Variants in GYPE observed in about 807,000 individuals in gnomAD.
The protein encoded by GYPE is glycophorin-E.
Under a neutral mutation model 11.6 loss-of-function variants are expected in GYPE, and 8 were observed. The observed-to-expected ratio is 0.69, with a 90% CI of 0.41 to 1.25. GYPE has a LOEUF of 1.25. GYPE is among the 50% of genes most tolerant of loss of function. The pLI is 0.01. For missense variants in GYPE, 90 were observed against 92.8 expected, an observed-to-expected ratio of 0.97 and a Z score of 0.12; for synonymous variants, 28 against 29.6, an observed-to-expected ratio of 0.94 and a Z score of 0.18.
chr4:143,883,791 A>G (rs1161927232), intron 1 of GYPE, among the ~76,000 whole-genome samples: 4 of 151,772 alleles, frequency 2.6e-5, no homozygotes, highest in African/African-American at 2.4e-5. Flanking sequence ...AATATTTTCA[A>G]CATTTCAATA....
At chr4:143,877,962 T>A (rs1219592925) in intron 2 of GYPE, among the ~76,000 whole-genome samples, 1 of 147,776 alleles carries the variant, frequency 6.8e-6, no homozygotes, top group Non-Finnish European at 1.5e-5. Flanking sequence ...TGATTTTAAA[T>A]GCCTTGCTTT....
At position 143,872,523 on chromosome 4, in the gene GYPE, T is replaced by A. The variant is rs36085430; in HGVS notation, c.*10-271A>T. Among the ~76,000 whole-genome samples, 39,573 of 151,412 alleles carry A rather than the reference T, an allele frequency of 0.26. 5,421 individuals are homozygous for A. Among genetic ancestry groups the A allele is most frequent in the East Asian group, 0.36 (1,846 of 5,124 alleles). ...CTGAGTGCTATGAAAAAAATACAGG[T>A]AGAAAATGAAAGAGAAATTAATGGG... On this transcript the variant is annotated intron_variant, in intron 3 of 3. Coordinates refer to ENST00000358615, the MANE Select transcript of GYPE (RefSeq NM_198682.3).
intron 3 of GYPE, chr4:143,873,342 G>T (rs1254371625): frequency 2.3e-6 from 1 of 434,006 alleles, no homozygotes; most frequent in Non-Finnish European, 4.6e-6. Flanking sequence ...AGCTGAGAAT[G>T]GAAATAATTT....
chr4:143,894,265 G>T (rs531328133), intron 1 of GYPE, among the ~76,000 whole-genome samples: 6 of 151,966 alleles, frequency 3.9e-5, no homozygotes, highest in African/African-American at 1.4e-4. Context: ...ATTTCCTCCT[G>T]TAGCTTGGAG....
At chr4:143,902,244 G>T (rs1744894689) in intron 1 of GYPE, among the ~76,000 whole-genome samples, 1 of 149,270 alleles carries the variant, frequency 6.7e-6, no homozygotes, top group African/African-American at 2.5e-5. Context: ...GGCTTTTAAA[G>T]AATTTATAGT....
intron 1 of GYPE, among the ~76,000 whole-genome samples, chr4:143,904,228 A>G (rs1392264128): frequency 1.3e-5 from 2 of 151,990 alleles, no homozygotes; most frequent in East Asian, 3.8e-4. Context: ...GCTTATTTTA[A>G]TAATATATTA....
intron 1 of GYPE, among the ~76,000 whole-genome samples, chr4:143,882,353 A>G (rs530284988): frequency 6.6e-6 from 1 of 152,228 alleles, no homozygotes; most frequent in South Asian, 2.1e-4. Context: ...CAATTAAAGT[A>G]TGTAAAAATT....
At chr4:143,897,482 G>C (rs1364989653) in intron 1 of GYPE, among the ~76,000 whole-genome samples, 3 of 152,042 alleles carry the variant, frequency 2.0e-5, no homozygotes, top group Non-Finnish European at 4.4e-5. Context: ...AAAAAATTAA[G>C]TTGTATAAAA....
chr4:143,902,387 T>G (rs1744900917), intron 1 of GYPE, among the ~76,000 whole-genome samples: 1 of 151,378 alleles, frequency 6.6e-6, no homozygotes, highest in Admixed American at 6.6e-5. Context: ...ACTTAACATG[T>G]GCTTTTCAGA....
At chr4:143,873,823 CA>C (rs1277594373) in intron 3 of GYPE, among the ~76,000 whole-genome samples, 1 of 151,910 alleles carries the variant, frequency 6.6e-6, no homozygotes, top group Non-Finnish European at 1.5e-5. Context: ...AAATGAGAAC[CA>C]CTCAAAAGAT....
intron 3 of GYPE, among the ~76,000 whole-genome samples, chr4:143,876,043 G>T (rs1333636700): frequency 2.6e-5 from 4 of 152,006 alleles, no homozygotes; most frequent in East Asian, 3.9e-4. Context: ...TTCATGGGTG[G>T]AAATTTGAAA....
At chr4:143,883,129 C>G (rs1294742225) in intron 1 of GYPE, among the ~76,000 whole-genome samples, 7 of 152,028 alleles carry the variant, frequency 4.6e-5, no homozygotes, top group African/African-American at 9.7e-5. Context: ...CTGTCGTGGA[C>G]ATAGTAATTT....
At chr4:143,900,309 T>C (rs370526763) in intron 1 of GYPE, among the ~76,000 whole-genome samples, 18 of 127,858 alleles carry the variant, frequency 1.4e-4, no homozygotes, top group African/African-American at 4.8e-4. Flanking sequence ...TCTGGCAAGA[T>C]TGTGGAGAAA....
intron 2 of GYPE, among the ~76,000 whole-genome samples, chr4:143,878,941 T>C (rs1409624315): frequency 6.6e-6 from 1 of 152,152 alleles, no homozygotes; most frequent in East Asian, 1.9e-4. Context: ...GGGAAAGGAA[T>C]GAGAAAGTAT....
At chr4:143,897,430 T>C (rs1187236734) in intron 1 of GYPE, among the ~76,000 whole-genome samples, 1 of 151,998 alleles carries the variant, frequency 6.6e-6, no homozygotes, top group Non-Finnish European at 1.5e-5. Flanking sequence ...GACTGTGCCG[T>C]TGCAGTCCAG....
In GYPE at chr4:143,871,507, C is replaced by T. The variant is rs989246218; in HGVS notation, c.*755G>A. The T allele has an allele frequency of 2.0e-5, 3 of 152,094 alleles. No homozygotes were observed. Among genetic ancestry groups the T allele is most frequent in the Non-Finnish European group, 4.4e-5 (3 of 68,064 alleles). 9.4% of individuals were successfully genotyped at this position (152,094 alleles called of 1,614,324 possible). On this transcript the variant is annotated 3_prime_UTR_variant, in exon 4 of 4. Transcript: ENST00000358615. The stretch of plus-strand genomic sequence containing the variant: ...CTATGTTAGGCTTTACACAATGTGA[C>T]CCTCTAGTCTGTACAAGGAGAGGAA...
intron 1 of GYPE, among the ~76,000 whole-genome samples, chr4:143,896,123 A>G (rs1049339422): frequency 1.2e-4 from 19 of 152,210 alleles, no homozygotes; most frequent in African/African-American, 4.6e-4. Flanking sequence ...TAAAACACCA[A>G]AAGCAATGGC....
Position 143,876,790 on chromosome 4 carries a change from C to G in GYPE, c.202G>C (p.Gly68Arg). 1 of 1,607,338 alleles carries G rather than the reference C, an allele frequency of 6.2e-7. No homozygotes were observed. Among genetic ancestry groups the G allele is most frequent in the South Asian group, 1.1e-5 (1 of 90,632 alleles). The change falls in exon 3 of 4, where the codon GGA (glycine) becomes CGA (arginine). Residue 68 changes from glycine to arginine, a missense_variant. Transcript: ENST00000358615. ...CAGTAAGAAATTAAGATGATCATTC[C>G]AACAACAACAAGCATCACCTCAAAA... ...VIFEVMLVVV[G>R]MIILISYCIR is the part of the protein sequence containing the mutation.
chr4:143,884,007 T>C (rs1488097477), intron 1 of GYPE, among the ~76,000 whole-genome samples: 2 of 152,066 alleles, frequency 1.3e-5, no homozygotes, highest in Non-Finnish European at 2.9e-5. Context: ...TTTCAGTCTA[T>C]GGGAGGGTGC....
Sources: allele counts gnomAD v4.1 joint callset (sites outside exome capture counted in the v4.1 genomes callset), GRCh38; gene constraint gnomAD v4.1.1; transcripts MANE v1.5; gene names NCBI Gene and HGNC (gene_info 2026-07-23, HGNC 2026-07-21).